Variants in THSD7A observed in about 807,000 individuals in gnomAD.
THSD7A encodes the protein thrombospondin type-1 domain-containing protein 7A.
Under a neutral mutation model 231.3 loss-of-function variants are expected in THSD7A, and 96 were observed. The observed-to-expected ratio is 0.41, with a 90% CI of 0.35 to 0.49. The LOEUF is 0.49. THSD7A is among the 20% of genes least tolerant of loss of function. THSD7A has a pLI of 0.05. For synonymous variants in THSD7A, 940 were observed against 743.3 expected (o/e 1.26, Z -4.30); for missense variants, 2,290 against 2,070.2 (o/e 1.11, Z -2.06).
chr7:11,771,010 A>T (rs1783209290), intron 1 of THSD7A, among the ~76,000 whole-genome samples: 1 of 151,360 alleles, frequency 6.6e-6, no homozygotes. Flanking sequence ...CTAGAAAAAG[A>T]TAATTTCATC....
At chr7:11,471,458 T>C (rs973560855) in intron 8 of THSD7A, among the ~76,000 whole-genome samples, 2 of 152,052 alleles carry the variant, frequency 1.3e-5, no homozygotes, top group Non-Finnish European at 2.9e-5. Context: ...AGTATTTTGC[T>C]GATACTTCAT....
intron 22 of THSD7A, among the ~76,000 whole-genome samples, chr7:11,405,976 T>C (rs1307177466): frequency 6.6e-6 from 1 of 152,170 alleles, no homozygotes; most frequent in Non-Finnish European, 1.5e-5. Flanking sequence ...CCGAATAGGT[T>C]ATGTTTTGTC....
chr7:11,571,772 C>T (rs538700452), intron 4 of THSD7A, among the ~76,000 whole-genome samples: 4 of 152,146 alleles, frequency 2.6e-5, no homozygotes, highest in Non-Finnish European at 4.4e-5. Context: ...AACCCTCGTT[C>T]GTTATCTTTA....
At chr7:11,379,427 A>C in intron 25 of THSD7A, 147 bp from the exon 26 acceptor site, 1 of 903,330 alleles carries the variant, frequency 1.1e-6, no homozygotes, top group Non-Finnish European at 1.7e-6. Context: ...ACAAAGAAAC[A>C]TACTTTTGGC....
intron 1 of THSD7A, among the ~76,000 whole-genome samples, chr7:11,757,087 T>A (rs956285997): frequency 1.3e-5 from 2 of 151,926 alleles, no homozygotes; most frequent in African/African-American, 4.8e-5. Flanking sequence ...GTGTGCTTAG[T>A]AAACATTTAT....
intron 1 of THSD7A, among the ~76,000 whole-genome samples, chr7:11,687,449 T>A (rs896129784): frequency 6.6e-6 from 1 of 151,806 alleles, no homozygotes. Context: ...CACACGTGGC[T>A]TATTGTCACA....
chr7:11,724,014 A>T (rs1781455736), intron 1 of THSD7A, among the ~76,000 whole-genome samples: 1 of 151,930 alleles, frequency 6.6e-6, no homozygotes, highest in African/African-American at 2.4e-5. Flanking sequence ...TTAAAAGGCA[A>T]TTGCAACAAC....
chr7:11,554,649 A>C (rs1789770523), intron 4 of THSD7A, among the ~76,000 whole-genome samples: 1 of 151,994 alleles, frequency 6.6e-6, no homozygotes, highest in South Asian at 2.1e-4. Flanking sequence ...ATTTGGTCTT[A>C]TATTTTAATT....
rs1278166739 is a variant in THSD7A, at chr7:11,447,358, G to A, written c.2672C>T (p.Pro891Leu). The change falls in exon 12 of 28, where the codon CCT becomes CTT. Residue 891 changes from proline to leucine, a missense_variant. Transcript: ENST00000423059. ...GIHECLQYAGPVPALTQACQI... is the reference protein window; with the variant it reads ...GIHECLQYAGLVPALTQACQI... ...GCAGGCCTGGGTAAGGGCTGGCACA[G>A]GGCCTGCATACTGTAGGCACTCATG... is the stretch of plus-strand genomic sequence containing the variant. 1 of 1,612,004 alleles carries A rather than the reference G, an allele frequency of 6.2e-7. No individual in the cohort carries two copies. The highest frequency in any genetic ancestry group is 1.7e-5 in the Admixed American group (1 of 59,772).
intron 4 of THSD7A, among the ~76,000 whole-genome samples, chr7:11,582,674 A>T (rs1388065102): frequency 6.6e-6 from 1 of 152,200 alleles, no homozygotes; most frequent in Non-Finnish European, 1.5e-5. Context: ...TAGCTGGGTA[A>T]ATAATTCTAC....
At chr7:11,714,056 G>A (rs547649991) in intron 1 of THSD7A, among the ~76,000 whole-genome samples, 19 of 151,098 alleles carry the variant, frequency 1.3e-4, no homozygotes, top group Non-Finnish European at 2.7e-4. Context: ...TGTACATTGG[G>A]TCACAATTTT....
chr7:11,793,055 A>G (rs1316713633), intron 1 of THSD7A, among the ~76,000 whole-genome samples: 2 of 152,014 alleles, frequency 1.3e-5, no homozygotes, highest in African/African-American at 4.8e-5. Flanking sequence ...AAAAAGTTAT[A>G]TAAAACTGTT....
intron 4 of THSD7A, among the ~76,000 whole-genome samples, chr7:11,547,050 T>C (rs1583949381): frequency 6.6e-6 from 1 of 152,124 alleles, no homozygotes; most frequent in Non-Finnish European, 1.5e-5. Context: ...ATGTGAAATA[T>C]GGGATTATGT....
intron 2 of THSD7A, among the ~76,000 whole-genome samples, chr7:11,616,177 G>C (rs1781096905): frequency 6.6e-6 from 1 of 151,976 alleles, no homozygotes; most frequent in Non-Finnish European, 1.5e-5. Context: ...CTCTATACCA[G>C]TGTAGGCAAA....
At chr7:11,533,649 C>T (rs1273190332) in intron 6 of THSD7A, among the ~76,000 whole-genome samples, 1 of 152,064 alleles carries the variant, frequency 6.6e-6, no homozygotes, top group African/African-American at 2.4e-5. Flanking sequence ...AAGATAAAAC[C>T]AAATACCACA....
intron 1 of THSD7A, among the ~76,000 whole-genome samples, chr7:11,817,227 C>G (rs78311220): frequency 0.033 from 5,072 of 152,218 alleles, 288 homozygotes; most frequent in African/African-American, 0.11. Flanking sequence ...TCGTATACTT[C>G]CAACATCCTT....
rs73676055 is a variant in THSD7A at position 11,634,723 on chromosome 7, C to G, written c.1022+1407G>C. 2.9e-3 allele frequency among the ~76,000 whole-genome samples: 437 copies of G among 151,930 alleles called. 4 individuals carry two copies. The highest frequency in any genetic ancestry group is 0.01 in the African/African-American group (420 of 41,424). On this transcript the variant is annotated intron_variant, in intron 2 of 27. Transcript: ENST00000423059. The surrounding 1 kb of genome is among the most constrained non-coding windows in gnomAD (Gnocchi z 4.1). ...CTAGAATGGAAAAAGGGCAAATTACCGTACAGCTGAAATAAAATGCAATCG... is the reference window on the plus strand; with the variant it reads ...CTAGAATGGAAAAAGGGCAAATTACGGTACAGCTGAAATAAAATGCAATCG...
chr7:11,548,596 G>A (rs900524071), intron 4 of THSD7A, among the ~76,000 whole-genome samples: 1 of 151,992 alleles, frequency 6.6e-6, no homozygotes, highest in Non-Finnish European at 1.5e-5. Context: ...GATGAACATA[G>A]ATGCAAAAAT....
At chr7:11,391,915 G>A (rs1394693898) in intron 23 of THSD7A, among the ~76,000 whole-genome samples, 5 of 152,146 alleles carry the variant, frequency 3.3e-5, no homozygotes, top group South Asian at 4.1e-4. Context: ...CTTGCCCTCC[G>A]TGGGCTGCAC....
Sources: gnomAD v4.1 joint callset for allele counts (sites outside exome capture counted in the v4.1 genomes callset) on GRCh38, gnomAD v4.1.1 for gene constraint, Gnocchi (gnomAD v3.1) non-coding constraint, MANE v1.5 for transcripts, NCBI Gene and HGNC (gene_info 2026-07-23, HGNC 2026-07-21) for gene names.